PPARGC1A: variants seen among roughly 807,000 people sequenced by gnomAD.
PPARGC1A encodes PPARG coactivator 1 alpha.
Under a neutral mutation model 88.7 loss-of-function variants are expected in PPARGC1A, and 25 were observed. The ratio of observed to expected loss-of-function variants is 0.28; its 90% confidence interval spans 0.21 to 0.39. The LOEUF (loss-of-function observed/expected upper bound fraction) is 0.39. PPARGC1A is among the 10% of genes least tolerant of loss of function. The pLI, the probability that PPARGC1A is intolerant of heterozygous loss-of-function variation, is 1.00. For synonymous variants in PPARGC1A, 363 were observed against 355.6 expected (o/e 1.02, Z -0.24); for missense variants, 880 against 968.7 (o/e 0.91, Z 1.22).
At chr4:23,924,561 G>A in the PPARGC1A span, among the ~76,000 whole-genome samples, 2 of 152,108 alleles carry the variant, frequency 1.3e-5, no homozygotes, top group African/African-American at 4.8e-5. Flanking sequence ...GGCAGAGGTT[G>A]CAGTAAGCCG....
chr4:24,108,916 G>T, the PPARGC1A span, among the ~76,000 whole-genome samples: 2 of 151,878 alleles, frequency 1.3e-5, no homozygotes, highest in Admixed American at 6.6e-5. Context: ...ATACTGGAAA[G>T]AATTAGAAAA....
chr4:24,153,107 T>C, the PPARGC1A span, among the ~76,000 whole-genome samples: 3,322 of 152,248 alleles, frequency 0.022, 123 homozygotes, highest in African/African-American at 0.076. Context: ...GGAGGCGAAA[T>C]GCAGAACTCA....
At chr4:24,268,773 AT>A in the PPARGC1A span, among the ~76,000 whole-genome samples, 3 of 152,264 alleles carry the variant, frequency 2.0e-5, no homozygotes, top group East Asian at 5.8e-4. Flanking sequence ...ATTTAAAATA[AT>A]TCTGATTAAA....
the PPARGC1A span, among the ~76,000 whole-genome samples, chr4:24,200,663 A>AAAAAAAAAAAC: frequency 1.3e-5 from 2 of 149,680 alleles, no homozygotes; most frequent in South Asian, 4.2e-4. Context: ...AGCAAAAAAA[A>AAAAAAAAAAAC]AAAAAAAACT....
chr4:24,079,285 CCAT>C, the PPARGC1A span, among the ~76,000 whole-genome samples: 1 of 151,988 alleles, frequency 6.6e-6, no homozygotes, highest in South Asian at 2.1e-4. Context: ...GGAATTTATC[CCAT>C]CATCACCAAC....
chr4:24,083,631 C>A, the PPARGC1A span, among the ~76,000 whole-genome samples: 163 of 152,204 alleles, frequency 1.1e-3, no homozygotes, highest in African/African-American at 3.6e-3. Context: ...AGCCTCTAAG[C>A]CAATGATATG....
the PPARGC1A span, among the ~76,000 whole-genome samples, chr4:24,009,764 T>C: frequency 6.6e-6 from 1 of 152,220 alleles, no homozygotes; most frequent in Non-Finnish European, 1.5e-5. Context: ...ACAAACAGGC[T>C]GTAGCTCTGG....
At chr4:24,068,703 T>C in the PPARGC1A span, among the ~76,000 whole-genome samples, 6 of 152,182 alleles carry the variant, frequency 3.9e-5, no homozygotes, top group African/African-American at 1.4e-4. Context: ...TATGCAGTAA[T>C]GTTTACCTAG....
At chr4:24,453,029 C>T in the PPARGC1A span, among the ~76,000 whole-genome samples, 1 of 152,166 alleles carries the variant, frequency 6.6e-6, no homozygotes, top group Non-Finnish European at 1.5e-5. Flanking sequence ...AAACTCTGGT[C>T]TTTAGGGTGA....
chr4:23,857,391 C>A (rs549903144), intron 2 of PPARGC1A, among the ~76,000 whole-genome samples: 2 of 143,980 alleles, frequency 1.4e-5, no homozygotes, highest in East Asian at 4.2e-4. Flanking sequence ...CACACACGCA[C>A]GTACTAAATA....
chr4:24,070,000 T>C, the PPARGC1A span, among the ~76,000 whole-genome samples: 8 of 152,160 alleles, frequency 5.3e-5, no homozygotes, highest in South Asian at 4.1e-4. Flanking sequence ...CTTTCTACCA[T>C]AGTGACTTCC....
the PPARGC1A span, among the ~76,000 whole-genome samples, chr4:23,934,283 C>G: frequency 6.6e-6 from 1 of 152,180 alleles, no homozygotes; most frequent in Non-Finnish European, 1.5e-5. Flanking sequence ...GTCACTGGAT[C>G]CATGTAGAGA....
chr4:24,281,223 C>T, the PPARGC1A span, among the ~76,000 whole-genome samples: 3 of 152,178 alleles, frequency 2.0e-5, no homozygotes, highest in Non-Finnish European at 4.4e-5. Context: ...CCGTCTTAGT[C>T]TGTTTTGTGT....
chr4:23,870,887 T>A (rs1416201130), intron 2 of PPARGC1A, among the ~76,000 whole-genome samples: 1 of 151,464 alleles, frequency 6.6e-6, no homozygotes, highest in Non-Finnish European at 1.5e-5. Context: ...ATAAAAGATG[T>A]AGCTGGAAAT....
intron 2 of PPARGC1A, among the ~76,000 whole-genome samples, chr4:23,867,950 C>A (rs1712386432): frequency 6.6e-6 from 1 of 152,192 alleles, no homozygotes; most frequent in Non-Finnish European, 1.5e-5. Flanking sequence ...AGGGTCAAAA[C>A]CAGCCAGGAA....
chr4:24,193,517 T>C, the PPARGC1A span, among the ~76,000 whole-genome samples: 3 of 152,150 alleles, frequency 2.0e-5, no homozygotes, highest in South Asian at 2.1e-4. Flanking sequence ...AATTGCAAGC[T>C]ACCCAAGGTC....
chr4:23,894,583 T>C (rs528465547), upstream of PPARGC1A, among the ~76,000 whole-genome samples: 4 of 152,298 alleles, frequency 2.6e-5, 1 homozygote, highest in South Asian at 2.1e-4. Context: ...AAACAAGTTA[T>C]GATAGACAAC....
chr4:24,273,789 G>T, the PPARGC1A span, among the ~76,000 whole-genome samples: 3 of 146,980 alleles, frequency 2.0e-5, no homozygotes, highest in East Asian at 6.1e-4. Context: ...GGAGTGCAAT[G>T]GCATGATCTT....
chr4:23,817,893 T>C (rs1722264814), intron 7 of PPARGC1A, among the ~76,000 whole-genome samples: 1 of 152,142 alleles, frequency 6.6e-6, no homozygotes, highest in Non-Finnish European at 1.5e-5. Context: ...GCAAGAAGTA[T>C]GTTTCTTTCT....
Sources: allele counts gnomAD v4.1 joint callset (sites outside exome capture counted in the v4.1 genomes callset), GRCh38; gene constraint gnomAD v4.1.1; transcripts MANE v1.5; gene names NCBI Gene and HGNC (gene_info 2026-07-23, HGNC 2026-07-21).